TANGO2: variants seen among roughly 807,000 people sequenced by gnomAD.
The protein encoded by TANGO2 is transport and golgi organization 2 homolog.
In TANGO2, 26 loss-of-function variants were observed where a neutral mutation model predicts 39.1. The observed-to-expected ratio is 0.67, with a 90% confidence interval of 0.49 to 0.92. The LOEUF (loss-of-function observed/expected upper bound fraction) is 0.92. TANGO2 is among the 40% of genes least tolerant of loss of function. The pLI is 0.00. For missense variants in TANGO2, 326 were observed against 360.1 expected, an observed-to-expected ratio of 0.91 and a Z score of 0.77; for synonymous variants, 131 against 144.5, an observed-to-expected ratio of 0.91 and a Z score of 0.67.
At chr22:20,053,095 C>T (rs1405938252) in intron 4 of TANGO2, among the ~76,000 whole-genome samples, 1 of 152,170 alleles carries the variant, frequency 6.6e-6, no homozygotes, top group Admixed American at 6.5e-5. Context: ...TGTCACTGTC[C>T]CCTGCCTGGA....
rs73150851 is a variant in TANGO2, at chr22:20,024,917, T to A, written c.-40+3671T>A. Among the ~76,000 whole-genome samples the A allele has an allele frequency of 1.7e-3, 253 of 152,210 alleles. 2 individuals are homozygous for A. The highest frequency in any genetic ancestry group is 3.2e-3 in the Non-Finnish European group (219 of 67,986). Reference sequence around the variant, plus strand: ...ACACCCCGTCCTATGCAGAGCTGTCTTGCACCAGGGCTGATTGGGTCTTCT... The same window carrying A: ...ACACCCCGTCCTATGCAGAGCTGTCATGCACCAGGGCTGATTGGGTCTTCT... On this transcript the variant is annotated intron_variant, in intron 1 of 8. Coordinates refer to ENST00000327374, the MANE Select transcript of TANGO2 (RefSeq NM_152906.7).
chr22:20,029,192 C>T (rs926700878), intron 1 of TANGO2, among the ~76,000 whole-genome samples: 5 of 152,162 alleles, frequency 3.3e-5, no homozygotes, highest in East Asian at 1.9e-4. Context: ...TCCATTTGGC[C>T]TTAGGACAGA....
At chr22:20,048,133 C>G (rs1051577075) in intron 3 of TANGO2, 1 of 152,184 alleles carries the variant, frequency 6.6e-6, no homozygotes, top group African/African-American at 2.4e-5. Flanking sequence ...CCATGTTGGC[C>G]AGGCTGGTCT....
chr22:20,020,914 A>C (rs990211860), upstream of TANGO2, among the ~76,000 whole-genome samples: 1 of 152,102 alleles, frequency 6.6e-6, no homozygotes, highest in African/African-American at 2.4e-5. Flanking sequence ...ACGCCCGCGC[A>C]GCCCGAAGCT....
At chr22:20,031,057 G>T (rs1404136661) in intron 1 of TANGO2, among the ~76,000 whole-genome samples, 2 of 152,100 alleles carry the variant, frequency 1.3e-5, no homozygotes, top group Non-Finnish European at 2.9e-5. Flanking sequence ...AATTAGCTGG[G>T]TGTGATGGCA....
At chr22:20,020,377 G>A (rs770910801), upstream of TANGO2, among the ~76,000 whole-genome samples, 13 of 152,130 alleles carry the variant, frequency 8.5e-5, no homozygotes, top group East Asian at 1.2e-3. Context: ...CAGGAGCAGC[G>A]GTCCCAGCTA....
intron 1 of TANGO2, among the ~76,000 whole-genome samples, chr22:20,026,132 G>A (rs1286335233): frequency 6.6e-6 from 1 of 152,232 alleles, no homozygotes; most frequent in East Asian, 1.9e-4. Context: ...GGGCGGGGTG[G>A]CTCACGCCTA....
Position 20,024,085 on chromosome 22 carries a change from G to C in TANGO2, c.-40+2839G>C, listed in dbSNP as rs568421427. ...GCCTGTAATCCCAACTACTCGAAAG[G>C]CTGAGGCAGGAGAATTGCTTGAACC... On this transcript the variant is annotated intron_variant, in intron 1 of 8. Transcript: ENST00000327374. Among the ~76,000 whole-genome samples, 10 of 152,232 alleles carry C rather than the reference G, an allele frequency of 6.6e-5. No individual in the cohort carries two copies. In the South Asian group the frequency reaches 2.1e-3, roughly 32 times the overall value.
intron 3 of TANGO2, chr22:20,048,416 G>A (rs1569297778): frequency 6.6e-6 from 1 of 152,160 alleles, no homozygotes; most frequent in Non-Finnish European, 1.5e-5. Flanking sequence ...GTATGTCCTT[G>A]TAGCAGCATG....
At position 20,064,870 on chromosome 22, in the gene TANGO2, A is replaced by G; in HGVS notation, c.*208A>G. The G allele has an allele frequency of 1.6e-6, 1 of 625,774 alleles. No individual in the cohort carries two copies. Among genetic ancestry groups the G allele is most frequent in the South Asian group, 2.0e-5 (1 of 49,132 alleles). The allele number at this position is 625,774 out of a possible 1,614,324, so 38.8% of individuals were successfully genotyped here. On this transcript the variant is annotated 3_prime_UTR_variant, in exon 9 of 9. Transcript: ENST00000327374. ...CCTTTATGCCAGTGAGGAGCAGCAGAGTCTGATACTAGGTCTAGGACCGGC... is the reference window on the plus strand; with the variant it reads ...CCTTTATGCCAGTGAGGAGCAGCAGGGTCTGATACTAGGTCTAGGACCGGC...
chr22:20,017,995 G>A (rs1483167948), upstream of TANGO2, among the ~76,000 whole-genome samples: 3 of 152,202 alleles, frequency 2.0e-5, no homozygotes, highest in African/African-American at 7.2e-5. Context: ...CCACAACCAT[G>A]CTTATGAGTG....
Position 20,064,802 on chromosome 22 carries a change from T to G in TANGO2, c.*140T>G. 9.1e-7 allele frequency: 1 copy of G among 1,099,146 alleles called. No homozygotes were observed. The highest frequency in any genetic ancestry group is 1.3e-6 in the Non-Finnish European group (1 of 785,068). 68.1% of individuals were successfully genotyped at this position (1,099,146 alleles called of 1,614,324 possible). On this transcript the variant is annotated 3_prime_UTR_variant, in exon 9 of 9. Coordinates refer to ENST00000327374, the MANE Select transcript of TANGO2 (RefSeq NM_152906.7). ...TCCCCCGGATCAGGGCCCTGTGGTT[T>G]GCGTGTTACCCATCTGTGTCCCCAT...
rs766895148 is a variant in TANGO2, at chr22:20,053,518, A to G, written c.347A>G (p.Tyr116Cys). 1.2e-6 allele frequency: 2 copies of G among 1,613,812 alleles called. No individual in the cohort carries two copies. The highest frequency in any genetic ancestry group is 1.7e-6 in the Non-Finnish European group (2 of 1,179,694). Residue 116 changes from tyrosine (Y) to cysteine (C), a missense_variant, in exon 5 of 9, where the codon TAC (tyrosine) becomes TGC (cysteine). By Grantham distance (194) the Tyr-to-Cys change is radical. Transcript: ENST00000327374. The part of the protein sequence containing the change: ...LKKVSMEGHL[Y>C]NGFNLIAADL... ...AAGGTCTCTATGGAGGGCCATCTGT[A>G]CAATGGCTTCAACCTCATAGCAGCC...
At chr22:20,027,180 G>C (rs981577937) in intron 1 of TANGO2, among the ~76,000 whole-genome samples, 2 of 152,108 alleles carry the variant, frequency 1.3e-5, no homozygotes, top group Admixed American at 1.3e-4. Flanking sequence ...ACCAGATCTC[G>C]TGAGAACTCT....
At chr22:20,027,210 G>C (rs2040931178) in intron 1 of TANGO2, among the ~76,000 whole-genome samples, 1 of 152,204 alleles carries the variant, frequency 6.6e-6, no homozygotes, top group South Asian at 2.1e-4. Context: ...CAGCACCGGG[G>C]GGGATGGTGT....
In TANGO2 at chr22:20,061,689, T is replaced by A; in HGVS notation, c.605+6T>A. 1 of 1,544,914 alleles carries A rather than the reference T, an allele frequency of 6.5e-7. No homozygotes were observed. Among genetic ancestry groups the A allele is most frequent in the Non-Finnish European group, 8.7e-7 (1 of 1,143,480 alleles). On this transcript the variant is annotated splice_donor_region_variant and intron_variant, in intron 7 of 8. Coordinates refer to ENST00000327374, the MANE Select transcript of TANGO2 (RefSeq NM_152906.7). ...GTGCTCAACAATGAAGAGGCGTGAG[T>A]GGGCGGGTCCTGCTGGGGTGAGCCC... is the stretch of plus-strand genomic sequence containing the variant.
chr22:20,058,895 T>C (rs1556026360), intron 6 of TANGO2, among the ~76,000 whole-genome samples: 6 of 152,090 alleles, frequency 3.9e-5, no homozygotes, highest in Non-Finnish European at 8.8e-5. Context: ...ACATATGCAA[T>C]AGATAAACAT....
At chr22:20,022,349 A>T (rs1455191453) in intron 1 of TANGO2, among the ~76,000 whole-genome samples, 1 of 152,088 alleles carries the variant, frequency 6.6e-6, no homozygotes, top group East Asian at 1.9e-4. Flanking sequence ...GAGGGTGACC[A>T]TGTTGTTAGA....
Position 20,063,331 on chromosome 22 carries a change from C to T in TANGO2, c.606-7C>T. 1.2e-6 allele frequency: 2 copies of T among 1,612,446 alleles called. No homozygotes were observed. The highest frequency in any genetic ancestry group is 2.2e-5 in the South Asian group (2 of 90,966). On this transcript the variant is annotated splice_region_variant and splice_polypyrimidine_tract_variant and intron_variant, in intron 7 of 8. Transcript: ENST00000327374. ...ACTAATGGCCACCACTTCTCTCCATCCTGCAGGCAGCTGCCAGACCCGGCC... is the reference window on the plus strand; with the variant it reads ...ACTAATGGCCACCACTTCTCTCCATTCTGCAGGCAGCTGCCAGACCCGGCC...
Sources: allele counts gnomAD v4.1 joint callset (sites outside exome capture counted in the v4.1 genomes callset), GRCh38; gene constraint gnomAD v4.1.1; transcripts MANE v1.5; gene names NCBI Gene and HGNC (gene_info 2026-07-23, HGNC 2026-07-21).